SNTB1: variants seen among roughly 807,000 people sequenced by gnomAD.
The protein encoded by SNTB1 is syntrophin beta 1.
Under a neutral mutation model 48.9 loss-of-function variants are expected in SNTB1, and 36 were observed. The observed-to-expected ratio is 0.74, with a 90% CI of 0.56 to 0.97. SNTB1 has a LOEUF of 0.97. Ranked by LOEUF, SNTB1 falls within the 50% of genes least tolerant of loss-of-function variation. SNTB1 has a pLI of 0.00. For synonymous variants in SNTB1, 299 were observed against 294.6 expected (o/e 1.01, Z -0.15); for missense variants, 786 against 703.4 (o/e 1.12, Z -1.33).
At chr8:120,710,738 A>T (rs1818447861) in intron 1 of SNTB1, among the ~76,000 whole-genome samples, 2 of 152,170 alleles carry the variant, frequency 1.3e-5, no homozygotes, top group African/African-American at 2.4e-5. Context: ...AGGGAATGAG[A>T]TCCTCCCCAG....
chr8:120,599,233 TCAGTGGCCGTAACAAAA>T (rs1233414581), intron 3 of SNTB1, among the ~76,000 whole-genome samples: 2 of 152,200 alleles, frequency 1.3e-5, no homozygotes, highest in African/African-American at 4.8e-5. Flanking sequence ...TGATTATTCA[TCAGTGGCCGTAACAAAA>T]TAGAAATACA....
chr8:120,797,111 T>C (rs1331454633), intron 1 of SNTB1, among the ~76,000 whole-genome samples: 1 of 152,036 alleles, frequency 6.6e-6, no homozygotes, highest in Non-Finnish European at 1.5e-5. Flanking sequence ...ATTCAGTGTT[T>C]GGAATAGCTG....
chr8:120,735,224 A>G (rs1436040490), intron 1 of SNTB1, among the ~76,000 whole-genome samples: 1 of 152,152 alleles, frequency 6.6e-6, no homozygotes, highest in South Asian at 2.1e-4. Flanking sequence ...TTGCAGGAGA[A>G]TAGGAGAGTG....
chr8:120,637,992 G>T (rs1817111396), intron 2 of SNTB1: 4 of 188,776 alleles, frequency 2.1e-5, no homozygotes, highest in South Asian at 2.3e-4. Context: ...CATCAGCTGG[G>T]TCATTATTAA....
At chr8:120,637,240 T>C in intron 2 of SNTB1, 1 of 345,944 alleles carries the variant, frequency 2.9e-6, no homozygotes, top group Non-Finnish European at 5.7e-6. Context: ...CATAACAAAA[T>C]AAGATGGGAA....
chr8:120,644,452 G>A (rs1436614629), intron 2 of SNTB1, among the ~76,000 whole-genome samples: 1 of 151,684 alleles, frequency 6.6e-6, no homozygotes, highest in African/African-American at 2.4e-5. Flanking sequence ...TGAGAATGAT[G>A]ATTTCCAATT....
intron 1 of SNTB1, among the ~76,000 whole-genome samples, chr8:120,704,072 C>G (rs1818345723): frequency 6.6e-6 from 1 of 152,144 alleles, no homozygotes; most frequent in East Asian, 1.9e-4. Flanking sequence ...TTCTTGCATC[C>G]TGGATGCTGC....
At chr8:120,569,697 A>G (rs779125128) in intron 4 of SNTB1, among the ~76,000 whole-genome samples, 9 of 152,166 alleles carry the variant, frequency 5.9e-5, no homozygotes, top group Non-Finnish European at 1.3e-4. Flanking sequence ...GTGCTGTCTG[A>G]TAGAATTTTG....
chr8:120,629,926 T>C (rs1443174301), intron 3 of SNTB1, among the ~76,000 whole-genome samples: 3 of 152,244 alleles, frequency 2.0e-5, no homozygotes, highest in Non-Finnish European at 2.9e-5. Context: ...TCTAATAATA[T>C]GTCTGCTAAT....
At position 120,722,841 on chromosome 8, in the gene SNTB1, G is replaced by A. The variant is rs1818687543; in HGVS notation, c.572-28933C>T. Among the ~76,000 whole-genome samples the A allele has an allele frequency of 2.6e-5, 4 of 152,044 alleles. No homozygotes were observed. The South Asian group carries it at 8.3e-4, about 32-fold the overall frequency. ...CCATGCCTATGTCCTGAATGGTATT[G>A]CCTAGGTTTTCTTCTAGAGTTTTTA... is the stretch of plus-strand genomic sequence containing the variant. On this transcript the variant is annotated intron_variant, in intron 1 of 6. Coordinates refer to ENST00000517992, the MANE Select transcript of SNTB1 (RefSeq NM_021021.4).
At chr8:120,678,409 A>T (rs745652179) in intron 2 of SNTB1, among the ~76,000 whole-genome samples, 7 of 152,160 alleles carry the variant, frequency 4.6e-5, no homozygotes, top group Non-Finnish European at 1.0e-4. Flanking sequence ...AGAGTAAAAA[A>T]CGAATGTCCA....
intron 3 of SNTB1, among the ~76,000 whole-genome samples, chr8:120,606,593 A>G (rs1227726302): frequency 6.6e-6 from 1 of 152,142 alleles, no homozygotes; most frequent in East Asian, 1.9e-4. Context: ...AGTGGATAAA[A>G]TTTCCACCCG....
intron 1 of SNTB1, among the ~76,000 whole-genome samples, chr8:120,792,116 CA>C (rs1345407289): frequency 9.6e-4 from 146 of 151,766 alleles, no homozygotes; most frequent in African/African-American, 3.4e-3. Flanking sequence ...CACACACACA[CA>C]CACCCACACA....
At chr8:120,600,234 C>T (rs968560044) in intron 3 of SNTB1, among the ~76,000 whole-genome samples, 4 of 152,252 alleles carry the variant, frequency 2.6e-5, no homozygotes, top group Non-Finnish European at 1.5e-5. Flanking sequence ...AGACATTCTG[C>T]ACCTCCTGCT....
chr8:120,784,746 T>G (rs773618193), intron 1 of SNTB1, among the ~76,000 whole-genome samples: 1 of 152,196 alleles, frequency 6.6e-6, no homozygotes, highest in Non-Finnish European at 1.5e-5. Context: ...AATAGTGTAT[T>G]GAGATTCATG....
chr8:120,545,876 C>A (rs1815372488), intron 5 of SNTB1, among the ~76,000 whole-genome samples: 1 of 152,168 alleles, frequency 6.6e-6, no homozygotes, highest in South Asian at 2.1e-4. Flanking sequence ...AACTAATAAT[C>A]GTACTTATTG....
At chr8:120,657,925 G>A (rs1817527275) in intron 2 of SNTB1, among the ~76,000 whole-genome samples, 1 of 152,160 alleles carries the variant, frequency 6.6e-6, no homozygotes, top group African/African-American at 2.4e-5. Context: ...TTCCTAATGT[G>A]AGAGAATCAT....
intron 5 of SNTB1, among the ~76,000 whole-genome samples, chr8:120,545,320 G>T (rs1168416783): frequency 6.6e-6 from 1 of 152,034 alleles, no homozygotes; most frequent in African/African-American, 2.4e-5. Flanking sequence ...CTCCAGCCTG[G>T]GCAACAAGAG....
At chr8:120,713,917 T>C (rs1563577793) in intron 1 of SNTB1, among the ~76,000 whole-genome samples, 1 of 152,166 alleles carries the variant, frequency 6.6e-6, no homozygotes, top group Non-Finnish European at 1.5e-5. Flanking sequence ...AAGGGCTCTA[T>C]AAAAATACTC....
Sources: gnomAD v4.1 joint callset for allele counts (sites outside exome capture counted in the v4.1 genomes callset) on GRCh38, gnomAD v4.1.1 for gene constraint, MANE v1.5 for transcripts, NCBI Gene and HGNC (gene_info 2026-07-23, HGNC 2026-07-21) for gene names.